Variants in ATG5 observed in about 807,000 individuals in gnomAD.
ATG5 encodes autophagy protein 5.
Under a neutral mutation model 36.5 loss-of-function variants are expected in ATG5, and 14 were observed. The ratio of observed to expected loss-of-function variants is 0.38; its 90% CI spans 0.25 to 0.60. The LOEUF (loss-of-function observed/expected upper bound fraction) is 0.60, where lower values mean the gene tolerates loss of function less well. Among genes scored for constraint, ATG5 ranks in the 20% least tolerant of loss-of-function variants. The pLI, the probability that ATG5 is intolerant of heterozygous loss-of-function variation, is 0.60. For synonymous variants in ATG5, 95 were observed against 101.5 expected (o/e 0.94, Z 0.38); for missense variants, 195 against 326.7 (o/e 0.60, Z 3.11).
intron 2 of ATG5, among the ~76,000 whole-genome samples, chr6:106,315,636 T>C (rs1770816690): frequency 6.6e-6 from 1 of 152,182 alleles, no homozygotes; most frequent in Non-Finnish European, 1.5e-5. Context: ...CATGTTTATA[T>C]GTTCTTTAAG....
intron 3 of ATG5, among the ~76,000 whole-genome samples, chr6:106,301,861 C>A (rs1478251765): frequency 6.6e-6 from 1 of 152,008 alleles, no homozygotes; most frequent in Admixed American, 6.6e-5. Context: ...TTACGAAGTA[C>A]AAGGTACCAT....
chr6:106,267,379 G>A (rs967611259), intron 5 of ATG5, among the ~76,000 whole-genome samples: 2 of 152,180 alleles, frequency 1.3e-5, no homozygotes, highest in African/African-American at 2.4e-5. Context: ...CTCATGGATA[G>A]GAAGAATCAG....
chr6:106,205,929 TTC>T (rs1179103584), intron 6 of ATG5, among the ~76,000 whole-genome samples: 2 of 152,230 alleles, frequency 1.3e-5, no homozygotes, highest in Non-Finnish European at 2.9e-5. Flanking sequence ...GATGAACATT[TTC>T]TGTTTAATAT....
chr6:106,238,657 GCAGA>G (rs1777989870), intron 6 of ATG5, among the ~76,000 whole-genome samples: 1 of 152,158 alleles, frequency 6.6e-6, no homozygotes, highest in South Asian at 2.1e-4. Flanking sequence ...TATTCCTGAG[GCAGA>G]CAGAGAGAAG....
chr6:106,298,110 G>A (rs138961350), intron 3 of ATG5, among the ~76,000 whole-genome samples: 129 of 151,564 alleles, frequency 8.5e-4, no homozygotes, highest in African/African-American at 2.9e-3. Flanking sequence ...GATTACAGGC[G>A]CGTACCACCA....
intron 4 of ATG5, among the ~76,000 whole-genome samples, chr6:106,287,054 A>AT (rs888170797): frequency 1.3e-5 from 2 of 152,238 alleles, no homozygotes; most frequent in Non-Finnish European, 2.9e-5. Flanking sequence ...ACAATAGTAG[A>AT]TAACTAATAC....
intron 3 of ATG5, among the ~76,000 whole-genome samples, chr6:106,297,869 G>A (rs1356212447): frequency 6.6e-6 from 1 of 151,362 alleles, no homozygotes; most frequent in Non-Finnish European, 1.5e-5. Flanking sequence ...CCAGGAGTTC[G>A]ACACTAGCCT....
intron 5 of ATG5, among the ~76,000 whole-genome samples, chr6:106,273,840 A>G (rs1017760006): frequency 1.3e-5 from 2 of 152,204 alleles, no homozygotes; most frequent in Non-Finnish European, 2.9e-5. Context: ...GCTGCATTTA[A>G]CTTTTATGTT....
chr6:106,229,559 TAA>T (rs199498497), intron 6 of ATG5, among the ~76,000 whole-genome samples: 2 of 149,028 alleles, frequency 1.3e-5, no homozygotes, highest in African/African-American at 5.0e-5. Context: ...ATAGAAATAG[TAA>T]AAAAAAACAG....
At chr6:106,217,625 T>C (rs755874345) in intron 6 of ATG5, 2 of 152,174 alleles carry the variant, frequency 1.3e-5, no homozygotes, top group Non-Finnish European at 2.9e-5. Flanking sequence ...AGAAACGCCA[T>C]AGTAAGGGAA....
intron 4 of ATG5, among the ~76,000 whole-genome samples, chr6:106,289,530 T>TG (rs781302799): frequency 3.9e-4 from 59 of 152,312 alleles, no homozygotes; most frequent in South Asian, 1.2e-3. Flanking sequence ...CCTTATTAAC[T>TG]GTAAGATTCT....
intron 1 of ATG5, among the ~76,000 whole-genome samples, chr6:106,317,991 T>C (rs375796282): frequency 2.6e-5 from 4 of 152,196 alleles, no homozygotes; most frequent in African/African-American, 7.2e-5. Flanking sequence ...GATTCACCTT[T>C]TGATGATGAA....
intron 6 of ATG5, among the ~76,000 whole-genome samples, chr6:106,232,442 A>G (rs1187039634): frequency 1.3e-5 from 2 of 152,154 alleles, no homozygotes; most frequent in Non-Finnish European, 2.9e-5. Context: ...ACCTGAACAT[A>G]GGAGAACACC....
intron 6 of ATG5, chr6:106,202,323 A>G (rs1776464173): frequency 2.4e-6 from 1 of 416,272 alleles, no homozygotes; most frequent in Non-Finnish European, 4.3e-6. Context: ...CATTCTAAAG[A>G]TAATTGGCTG....
chr6:106,232,472 G>A (rs942004275), intron 6 of ATG5, among the ~76,000 whole-genome samples: 1 of 152,082 alleles, frequency 6.6e-6, no homozygotes, highest in Admixed American at 6.5e-5. Context: ...TCCCCTGCTT[G>A]AGGAAGGAAT....
chr6:106,210,215 T>C (rs1776803750), intron 6 of ATG5, among the ~76,000 whole-genome samples: 1 of 152,198 alleles, frequency 6.6e-6, no homozygotes, highest in Non-Finnish European at 1.5e-5. Flanking sequence ...CCTTAGGTGA[T>C]CCTGATGAAA....
chr6:106,292,779 G>A (rs547750393), intron 4 of ATG5, among the ~76,000 whole-genome samples: 9 of 152,202 alleles, frequency 5.9e-5, no homozygotes, highest in South Asian at 2.1e-4. Flanking sequence ...CCAAAAACTC[G>A]TAAATTTTAA....
At chr6:106,282,265 G>A (rs1269444074) in intron 4 of ATG5, among the ~76,000 whole-genome samples, 3 of 152,226 alleles carry the variant, frequency 2.0e-5, no homozygotes, top group East Asian at 3.9e-4. Context: ...CTGTCACGGC[G>A]CAAGTCTTCT....
At chr6:106,281,245 A>G (rs1172867749) in intron 4 of ATG5, among the ~76,000 whole-genome samples, 8 of 152,326 alleles carry the variant, frequency 5.3e-5, no homozygotes, top group African/African-American at 1.9e-4. Flanking sequence ...TGCAGAAATC[A>G]AGAGTACAAT....
Sources: gnomAD v4.1 joint callset for allele counts (sites outside exome capture counted in the v4.1 genomes callset) on GRCh38, gnomAD v4.1.1 for gene constraint, MANE v1.5 for transcripts, NCBI Gene and HGNC (gene_info 2026-07-23, HGNC 2026-07-21) for gene names.